Variants in TTLL6 observed in about 807,000 individuals in gnomAD.
TTLL6 encodes the protein tubulin tyrosine ligase like 6.
A neutral mutation model predicts 96.4 loss-of-function variants in TTLL6; 75 were observed. The observed-to-expected ratio is 0.78, with a 90% CI of 0.65 to 0.94. TTLL6 has a LOEUF of 0.94. Ranked by LOEUF, TTLL6 falls within the 40% of genes least tolerant of loss-of-function variation. The pLI is 0.00. For missense variants in TTLL6, 1,030 were observed against 1,093.0 expected (o/e 0.94, Z 0.81); for synonymous variants, 411 against 419.4 (o/e 0.98, Z 0.24).
chr17:48,815,423 G>A (rs909530842), intron 1 of TTLL6: 10 of 152,150 alleles, frequency 6.6e-5, no homozygotes, highest in Non-Finnish European at 1.2e-4. Context: ...AATTGGATGG[G>A]GGAAGAAAAG....
intron 13 of TTLL6, among the ~76,000 whole-genome samples, chr17:48,783,439 T>G (rs1040006005): frequency 3.4e-3 from 4 of 1,172 alleles, no homozygotes; most frequent in East Asian, 0.05. Flanking sequence ...AAAATATTGT[T>G]TTTTTTTTTT....
intron 3 of TTLL6, among the ~76,000 whole-genome samples, chr17:48,803,217 G>A (rs964547703): frequency 7.9e-5 from 12 of 152,030 alleles, no homozygotes; most frequent in African/African-American, 2.4e-4. Context: ...AGCAAGAGCC[G>A]GGCACAGTGG....
At chr17:48,797,648 G>A (rs1020958033) in intron 6 of TTLL6, among the ~76,000 whole-genome samples, 5 of 151,778 alleles carry the variant, frequency 3.3e-5, no homozygotes, top group African/African-American at 4.8e-5. Context: ...TTTGCCAGGC[G>A]CGGTGGTGGG....
rs2039676640 is a variant in TTLL6, at chr17:48,816,978, C to A, written c.95G>T (p.Gly32Val). Residue 32 changes from glycine (G) to valine (V), a missense_variant, in exon 1 of 16, where the codon GGA (glycine) becomes GTA (valine). By Grantham distance (109) the Gly-to-Val change is moderately radical. Coordinates refer to ENST00000393382, the MANE Select transcript of TTLL6 (RefSeq NM_001130918.3). ...CTTTGGGGCGCTCTTACCCGCAATT[C>A]CTACTCCCCCGTCTCGCCCCGCTGG... ...SSPAGRDGGV[G>V]IAGAWYFPRA... 3.9e-6 allele frequency: 6 copies of A among 1,534,686 alleles called. No individual in the cohort carries two copies. The East Asian group carries it at 1.5e-4, about 39-fold the overall frequency.
intron 8 of TTLL6, among the ~76,000 whole-genome samples, chr17:48,792,915 T>C (rs1385514430): frequency 6.6e-6 from 1 of 152,196 alleles, no homozygotes; most frequent in African/African-American, 2.4e-5. Context: ...ACATATAACA[T>C]AACCTTTTCT....
At position 48,798,817 on chromosome 17, in the gene TTLL6, C is replaced by CTT. The variant is rs546272759; in HGVS notation, c.768+785_768+786dup. Among the ~76,000 whole-genome samples, 605 of 116,914 alleles carry CTT rather than the reference C, an allele frequency of 5.2e-3. 7 individuals are homozygous for CTT. The highest frequency in any genetic ancestry group is 9.6e-3 in the Middle Eastern group (2 of 208). 76.7% of individuals were successfully genotyped at this position (116,914 alleles called of 152,430 possible). On this transcript the variant is annotated intron_variant, in intron 6 of 15. Transcript: ENST00000393382. ...TTCGGGACTACATATTGTTGCAGTTCTTTTTTTTTTTTTTTTTTTTTGAGA... is the reference window on the plus strand; with the variant it reads ...TTCGGGACTACATATTGTTGCAGTTCTTTTTTTTTTTTTTTTTTTTTTTGAGA...
Position 48,804,796 on chromosome 17 carries a change from C to A in TTLL6, c.299G>T (p.Gly100Val), listed in dbSNP as rs1459912683. 1.9e-6 allele frequency: 3 copies of A among 1,552,186 alleles called. No homozygotes were observed. The highest frequency in any genetic ancestry group is 2.6e-6 in the Non-Finnish European group (3 of 1,147,138). ...QNGLQNAQQQ[G>V]KKKRKKKRLV... is the part of the protein sequence containing the mutation. ...CCTCTTTTTCTTCCTCTTCTTCTTG[C>A]CTTGCTGCTGGGCATTCTGAAGTCC... Residue 100 changes from glycine to valine, a missense_variant, in exon 2 of 16, where the codon GGC becomes GTC. Gly to Val is a moderately radical substitution (Grantham distance 109). Transcript: ENST00000393382.
chr17:48,797,311 T>A (rs1413402213), intron 6 of TTLL6, 107 bp from the exon 7 acceptor site: 3 of 1,243,238 alleles, frequency 2.4e-6, no homozygotes, highest in Non-Finnish European at 3.3e-6. Context: ...CATTGCCTAG[T>A]GTTGTGGAGG....
chr17:48,810,967 G>A (rs1488289946), intron 1 of TTLL6, among the ~76,000 whole-genome samples: 2 of 148,918 alleles, frequency 1.3e-5, no homozygotes, highest in Non-Finnish European at 3.0e-5. Context: ...GCTCAGTAAT[G>A]CCTCCTGTAG....
At chr17:48,794,109 T>G in intron 8 of TTLL6, 162 of 1,563,132 alleles carry the variant, frequency 1.0e-4, no homozygotes, top group Non-Finnish European at 1.3e-4. Flanking sequence ...AGAGAGTGGA[T>G]GGAGAAGTAC....
rs771321391 is a variant in TTLL6 at position 48,796,021 on chromosome 17, T to A, written c.998+40A>T. On this transcript the variant is annotated intron_variant, in intron 8 of 15. Transcript: ENST00000393382. ...AGAATCCCAGAAAGCAGTTCTGAGGTTGGTAGGGAAAGGAAAGAAAAATGA... is the reference window on the plus strand; with the variant it reads ...AGAATCCCAGAAAGCAGTTCTGAGGATGGTAGGGAAAGGAAAGAAAAATGA... 7.4e-6 allele frequency: 11 copies of A among 1,495,768 alleles called. 1 individual carries two copies. The South Asian group carries it at 1.3e-4, about 18-fold the overall frequency. 92.7% of individuals were successfully genotyped at this position (1,495,768 alleles called of 1,614,324 possible).
intron 1 of TTLL6, among the ~76,000 whole-genome samples, chr17:48,809,343 C>T (rs1198121854): frequency 1.3e-5 from 2 of 152,186 alleles, no homozygotes; most frequent in Non-Finnish European, 2.9e-5. Flanking sequence ...CTACTTCCTT[C>T]CTTGAAGGTA....
chr17:48,813,512 TCA>T (rs1321695119), intron 1 of TTLL6, among the ~76,000 whole-genome samples: 1 of 152,050 alleles, frequency 6.6e-6, no homozygotes, highest in Non-Finnish European at 1.5e-5. Flanking sequence ...CGAGTAGAGA[TCA>T]CACAACTGCA....
intron 7 of TTLL6, 94 bp from the exon 8 acceptor site, chr17:48,796,240 G>C (rs1443793686): frequency 2.0e-6 from 2 of 989,934 alleles, no homozygotes; most frequent in African/African-American, 3.3e-5. Flanking sequence ...GGGCTTGAAG[G>C]GATGGAAAGA....
chr17:48,778,034 T>C (rs1258172410), intron 13 of TTLL6, among the ~76,000 whole-genome samples: 1 of 152,194 alleles, frequency 6.6e-6, no homozygotes, highest in African/African-American at 2.4e-5. Flanking sequence ...CCCAACACTT[T>C]GTTAGGCCCA....
At chr17:48,772,113 A>T (rs549223402) in intron 13 of TTLL6, among the ~76,000 whole-genome samples, 120 of 152,068 alleles carry the variant, frequency 7.9e-4, no homozygotes, top group Admixed American at 1.5e-3. Flanking sequence ...AACCCACTAG[A>T]TATGCAAAAA....
At chr17:48,812,073 C>CCT (rs1555569821) in intron 1 of TTLL6, 1 of 99,512 alleles carries the variant, frequency 1.0e-5, no homozygotes, top group African/African-American at 3.6e-5. Flanking sequence ...GACCCCCCCC[C>CCT]CCACCCCCCG....
intron 13 of TTLL6, among the ~76,000 whole-genome samples, chr17:48,783,642 G>C (rs1293523558): frequency 3.3e-5 from 5 of 152,042 alleles, no homozygotes; most frequent in Admixed American, 3.3e-4. Context: ...TGTTGGCCAA[G>C]CTGGTCTCAA....
At position 48,804,832 on chromosome 17, in the gene TTLL6, C is replaced by G. The variant is rs949994840; in HGVS notation, c.263G>C (p.Gly88Ala). 10 of 1,552,270 alleles carry G rather than the reference C, an allele frequency of 6.4e-6. No individual in the cohort carries two copies. In the Admixed American group the frequency reaches 1.2e-4, roughly 18 times the overall value. ...GGCATTCTGAAGTCCGTTTTGTGCC[C>G]CTGGGTTCTCTCTCACAAAAGCCAG... ...VALAFVRENPGAQNGLQNAQQ... is the reference protein window; with the variant it reads ...VALAFVRENPAAQNGLQNAQQ... Residue 88 changes from glycine to alanine, a missense_variant, in exon 2 of 16, where the codon GGG (glycine) becomes GCG (alanine). Coordinates refer to ENST00000393382, the MANE Select transcript of TTLL6 (RefSeq NM_001130918.3).
Sources: allele counts gnomAD v4.1 joint callset (sites outside exome capture counted in the v4.1 genomes callset), GRCh38; gene constraint gnomAD v4.1.1; transcripts MANE v1.5; gene names NCBI Gene and HGNC (gene_info 2026-07-23, HGNC 2026-07-21).